PCGF6: variants seen among roughly 807,000 people sequenced by gnomAD.
The protein encoded by PCGF6 is polycomb group RING finger protein 6.
Under a neutral mutation model 45.5 loss-of-function variants are expected in PCGF6, and 24 were observed. The ratio of observed to expected loss-of-function variants is 0.53; its 90% CI spans 0.38 to 0.74. The LOEUF (loss-of-function observed/expected upper bound fraction) is 0.74. PCGF6 is among the 30% of genes least tolerant of loss of function. The pLI, the probability that PCGF6 is intolerant of heterozygous loss-of-function variation, is 0.00. For synonymous variants in PCGF6, 152 were observed against 162.1 expected (o/e 0.94, Z 0.47); for missense variants, 356 against 443.2 (o/e 0.80, Z 1.77).
chr10:103,324,153 G>T (rs2093208003), intron 8 of PCGF6, among the ~76,000 whole-genome samples: 1 of 151,404 alleles, frequency 6.6e-6, no homozygotes, highest in Non-Finnish European at 1.5e-5. Context: ...TGGCCAGGCT[G>T]GTCTCAAACT....
At chr10:103,339,814 CACA>C (rs2093273204) in intron 6 of PCGF6, among the ~76,000 whole-genome samples, 1 of 16,800 alleles carries the variant, frequency 6.0e-5, no homozygotes, top group Admixed American at 8.3e-4. Flanking sequence ...AAAAAAAACA[CACA>C]CACACACACA....
At chr10:103,341,596 C>T (rs2093280989) in intron 6 of PCGF6, among the ~76,000 whole-genome samples, 1 of 151,248 alleles carries the variant, frequency 6.6e-6, no homozygotes, top group African/African-American at 2.4e-5. Flanking sequence ...CAAGCCACCA[C>T]ATCCAGCTTT....
At chr10:103,312,830 G>A (rs932236287) in intron 9 of PCGF6, among the ~76,000 whole-genome samples, 7 of 151,958 alleles carry the variant, frequency 4.6e-5, no homozygotes, top group Admixed American at 2.6e-4. Context: ...GCGTGGTGGC[G>A]CATGCCTGTA....
intron 8 of PCGF6, among the ~76,000 whole-genome samples, chr10:103,326,124 G>A (rs1270426305): frequency 6.6e-6 from 1 of 152,044 alleles, no homozygotes; most frequent in African/African-American, 2.4e-5. Flanking sequence ...ATGTCCAGGC[G>A]CGGTGGCTCA....
At chr10:103,315,545 G>A (rs971227958) in intron 8 of PCGF6, among the ~76,000 whole-genome samples, 1 of 152,152 alleles carries the variant, frequency 6.6e-6, no homozygotes. Context: ...ATTTTTAGTA[G>A]AGACGGGGTT....
chr10:103,303,981 A>G lies in PCGF6; in HGVS notation c.997-20T>C. 2 of 1,609,134 alleles carry G rather than the reference A, an allele frequency of 1.2e-6. No individual in the cohort carries two copies. The highest frequency in any genetic ancestry group is 1.7e-6 in the Non-Finnish European group (2 of 1,175,782). On this transcript the variant is annotated intron_variant, in intron 9 of 9. Transcript: ENST00000369847. ...ACCATCCTGAAAAGGGGAGAAAAAA[A>G]GACGATTTTGCAGTTCTTTCAAACC...
intron 8 of PCGF6, among the ~76,000 whole-genome samples, chr10:103,326,211 C>T (rs1164810704): frequency 6.6e-6 from 1 of 151,754 alleles, no homozygotes; most frequent in Admixed American, 6.6e-5. Context: ...CAGTGAAACC[C>T]CTTCTCTACT....
chr10:103,309,791 T>C (rs1038380158), intron 9 of PCGF6, among the ~76,000 whole-genome samples: 1 of 151,804 alleles, frequency 6.6e-6, no homozygotes, highest in Non-Finnish European at 1.5e-5. Flanking sequence ...AATAGCCAGA[T>C]GTGGTGGTGC....
chr10:103,340,058 T>G (rs1402073012), intron 6 of PCGF6, among the ~76,000 whole-genome samples: 4 of 139,640 alleles, frequency 2.9e-5, no homozygotes, highest in African/African-American at 1.0e-4. Context: ...GCGCCTGTAA[T>G]CCCAGCTACT....
intron 8 of PCGF6, among the ~76,000 whole-genome samples, chr10:103,316,433 A>G (rs1184066098): frequency 6.6e-6 from 1 of 152,214 alleles, no homozygotes; most frequent in East Asian, 1.9e-4. Context: ...TATGTATTTG[A>G]CATGTGTTAT....
intron 6 of PCGF6, among the ~76,000 whole-genome samples, chr10:103,335,208 T>C (rs1230885586): frequency 2.7e-5 from 4 of 150,382 alleles, no homozygotes; most frequent in African/African-American, 7.3e-5. Context: ...CCACCATGCA[T>C]GGCTAATTAA....
intron 8 of PCGF6, among the ~76,000 whole-genome samples, chr10:103,325,461 G>C (rs1358631607): frequency 6.6e-6 from 1 of 151,954 alleles, no homozygotes; most frequent in Non-Finnish European, 1.5e-5. Context: ...CACCATGTTG[G>C]TCAGGCTGGA....
At position 103,340,700 on chromosome 10, in the gene PCGF6, G is replaced by A. The variant is rs546043850; in HGVS notation, c.782+4324C>T. 1.9e-4 allele frequency among the ~76,000 whole-genome samples: 29 copies of A among 151,894 alleles called. 1 individual carries two copies. In the South Asian group the frequency reaches 5.4e-3, roughly 28 times the overall value. ...CAGCCTCAAACTCCCGGGCTCAGTC[G>A]ATCCTCCCCCATCAGCCTCCCTAGT... On this transcript the variant is annotated intron_variant, in intron 6 of 9. Transcript: ENST00000369847.
At chr10:103,308,752 A>G (rs1259853005) in intron 9 of PCGF6, among the ~76,000 whole-genome samples, 2 of 152,000 alleles carry the variant, frequency 1.3e-5, no homozygotes, top group East Asian at 3.9e-4. Flanking sequence ...GTGCACCTGC[A>G]GTCCCACCAA....
intron 1 of PCGF6, among the ~76,000 whole-genome samples, chr10:103,349,469 CT>C (rs1268249236): frequency 4.4e-5 from 6 of 135,086 alleles, no homozygotes; most frequent in African/African-American, 1.6e-4. Flanking sequence ...ATTATTGTTT[CT>C]TTCTTTCCGT....
intron 8 of PCGF6, among the ~76,000 whole-genome samples, chr10:103,316,768 TA>T (rs1300723988): frequency 6.6e-6 from 1 of 152,196 alleles, no homozygotes; most frequent in African/African-American, 2.4e-5. Flanking sequence ...ATTTTGCAAA[TA>T]CCACTCTGTC....
At chr10:103,332,724 T>C (rs2133582027) in intron 7 of PCGF6, among the ~76,000 whole-genome samples, 1 of 152,304 alleles carries the variant, frequency 6.6e-6, no homozygotes, top group African/African-American at 2.4e-5. Flanking sequence ...TATCTGCCAC[T>C]ATCCCACCCA....
At chr10:103,330,384 T>C (rs75477360) in intron 7 of PCGF6, among the ~76,000 whole-genome samples, 2 of 152,064 alleles carry the variant, frequency 1.3e-5, no homozygotes, top group Admixed American at 6.6e-5. Context: ...CAAGCATATA[T>C]TGTTTCAACC....
intron 6 of PCGF6, among the ~76,000 whole-genome samples, chr10:103,340,996 A>G (rs2093278472): frequency 6.6e-6 from 1 of 152,054 alleles, no homozygotes; most frequent in Non-Finnish European, 1.5e-5. Flanking sequence ...TTGGGGGTCC[A>G]AGGTGGGCGG....
Sources: allele counts gnomAD v4.1 joint callset (sites outside exome capture counted in the v4.1 genomes callset), GRCh38; gene constraint gnomAD v4.1.1; transcripts MANE v1.5; gene names NCBI Gene and HGNC (gene_info 2026-07-23, HGNC 2026-07-21).